The following ASS1 variants were observed in gnomAD, a reference collection of about 807,000 sequenced individuals.
ASS1 encodes argininosuccinate synthase.
A neutral mutation model predicts 60.5 loss-of-function variants in ASS1; 58 were observed. The observed-to-expected ratio is 0.96, with a 90% CI of 0.78 to 1.19. The LOEUF (loss-of-function observed/expected upper bound fraction) is 1.19, where lower values mean the gene tolerates loss of function less well. Among genes scored for constraint, ASS1 ranks in the 50% most tolerant of loss-of-function variants. The probability of loss-of-function intolerance (pLI) is 0.00; values close to 1 mark genes in which losing one functional copy is unlikely to be tolerated. For synonymous variants in ASS1, 200 were observed against 206.9 expected, an observed-to-expected ratio of 0.97 and a Z score of 0.29; for missense variants, 454 against 547.3, an observed-to-expected ratio of 0.83 and a Z score of 1.70.
chr9:130,483,649 G>C (rs534124967), intron 11 of ASS1, among the ~76,000 whole-genome samples: 1 of 150,572 alleles, frequency 6.6e-6, no homozygotes, highest in African/African-American at 2.5e-5. Context: ...CTCTTTCTCT[G>C]TCTCCTCTCT....
chr9:130,460,202 A>C (rs1409258053), intron 4 of ASS1, among the ~76,000 whole-genome samples: 4 of 152,186 alleles, frequency 2.6e-5, no homozygotes, highest in Admixed American at 2.6e-4. Flanking sequence ...GTGCAGGGAC[A>C]CACACAGCTA....
intron 3 of ASS1, among the ~76,000 whole-genome samples, chr9:130,456,092 C>T (rs1845443542): frequency 6.6e-6 from 1 of 152,238 alleles, no homozygotes; most frequent in African/African-American, 2.4e-5. Flanking sequence ...TCTAGATGAG[C>T]AGTTCTCAAA....
At chr9:130,480,254 T>C in intron 10 of ASS1, 131 bp from the exon 11 acceptor site, 1 of 1,011,116 alleles carries the variant, frequency 9.9e-7, no homozygotes, top group South Asian at 1.3e-5. Flanking sequence ...AGATGTCCTC[T>C]TGAGTCTTAG....
chr9:130,449,342 G>GAAAA (rs55853169), intron 1 of ASS1, among the ~76,000 whole-genome samples: 3 of 91,534 alleles, frequency 3.3e-5, no homozygotes, highest in African/African-American at 4.4e-5. Flanking sequence ...GACCCTGTCT[G>GAAAA]AAAAAAAAAA....
chr9:130,500,196 A>G (rs1846716147), intron 14 of ASS1, among the ~76,000 whole-genome samples: 1 of 152,178 alleles, frequency 6.6e-6, no homozygotes. Flanking sequence ...AAGCACACTC[A>G]GCCCAGGGCC....
chr9:130,497,856 G>A (rs1846642611), intron 13 of ASS1, among the ~76,000 whole-genome samples: 1 of 152,222 alleles, frequency 6.6e-6, no homozygotes, highest in Non-Finnish European at 1.5e-5. Flanking sequence ...AGGGATCTGA[G>A]GAGGTTGGTG....
intron 8 of ASS1, among the ~76,000 whole-genome samples, chr9:130,475,213 T>C (rs1447099214): frequency 1.3e-5 from 2 of 152,148 alleles, no homozygotes; most frequent in African/African-American, 4.8e-5. Flanking sequence ...CCCCATCCCA[T>C]GCAGAATGAG....
At chr9:130,463,790 G>A (rs570199669) in intron 4 of ASS1, among the ~76,000 whole-genome samples, 2 of 152,258 alleles carry the variant, frequency 1.3e-5, no homozygotes, top group East Asian at 3.9e-4. Context: ...ACTATAGTGC[G>A]AGCTCTGGGG....
chr9:130,444,941 G>C (rs2131860046), upstream of ASS1: 1 of 155,036 alleles, frequency 6.5e-6, no homozygotes. This position sits in a 1 kb window ranked among gnomAD's most constrained non-coding sequence, Gnocchi z 4.7. Flanking sequence ...TTATAACCTG[G>C]GATGGGCACC....
chr9:130,496,867 C>T (rs890791955), intron 13 of ASS1, among the ~76,000 whole-genome samples: 3 of 152,238 alleles, frequency 2.0e-5, no homozygotes, highest in African/African-American at 2.4e-5. Flanking sequence ...CCCCACTAGA[C>T]GTGGGTCCCC....
rs752670970 is a variant in ASS1 at position 130,478,729 on chromosome 9, G to A, written c.689-987G>A. Among the ~76,000 whole-genome samples the A allele has an allele frequency of 2.5e-4, 38 of 152,172 alleles. No homozygotes were observed. Among genetic ancestry groups the A allele is most frequent in the Non-Finnish European group, 3.8e-4 (26 of 68,030 alleles). On this transcript the variant is annotated intron_variant, in intron 9 of 14. Transcript: ENST00000352480. The surrounding 1 kb of genome is among the most constrained non-coding windows in gnomAD (Gnocchi z 4.7). ...GAGAGAAAGGGAGAGAGGAGAGGCGGGGGGTGGTGAGAGGGGCTTAAGGTT... is the reference window on the plus strand; with the variant it reads ...GAGAGAAAGGGAGAGAGGAGAGGCGAGGGGTGGTGAGAGGGGCTTAAGGTT...
intron 6 of ASS1, 136 bp downstream of exon 6, chr9:130,466,935 C>T: frequency 9.9e-7 from 1 of 1,007,024 alleles, no homozygotes; most frequent in Non-Finnish European, 1.5e-6. Context: ...ACTTCCACCC[C>T]AGCTGCCTAC....
chr9:130,483,158 AC>A (rs1409128710), intron 11 of ASS1, among the ~76,000 whole-genome samples: 1 of 152,164 alleles, frequency 6.6e-6, no homozygotes, highest in Non-Finnish European at 1.5e-5. Context: ...AAATTAGGGC[AC>A]TGTGGATTCC....
rs541432341 is a variant in ASS1 at position 130,491,607 on chromosome 9, C to T, written c.970+2143C>T. Among the ~76,000 whole-genome samples the T allele has an allele frequency of 3.3e-5, 5 of 152,314 alleles. No homozygotes were observed. The East Asian group carries it at 5.8e-4, about 18-fold the overall frequency. ...GGATGCTCGTGATCAAGGGGCACGG[C>T]GGCACAGACAGGGGAACCCTGGGTG... is the stretch of plus-strand genomic sequence containing the variant. On this transcript the variant is annotated intron_variant, in intron 12 of 14. Transcript: ENST00000352480. The surrounding 1 kb of genome is among the most constrained non-coding windows in gnomAD (Gnocchi z 5.3).
At chr9:130,456,495 C>CA (rs772542199) in intron 3 of ASS1, among the ~76,000 whole-genome samples, 17 of 152,156 alleles carry the variant, frequency 1.1e-4, no homozygotes, top group Non-Finnish European at 2.4e-4. Flanking sequence ...CAAACAAACA[C>CA]AAAAACACAT....
intron 11 of ASS1, among the ~76,000 whole-genome samples, chr9:130,480,756 G>T (rs1386844954): frequency 6.6e-6 from 1 of 152,200 alleles, no homozygotes; most frequent in African/African-American, 2.4e-5. Flanking sequence ...GCTGTCTTGT[G>T]TCTGGGGTGG....
At chr9:130,454,220 G>A (rs919069359) in intron 2 of ASS1, 85 bp from the exon 3 acceptor site, 1 of 1,353,894 alleles carries the variant, frequency 7.4e-7, no homozygotes, top group Non-Finnish European at 1.0e-6. Context: ...TCTGTAGCAG[G>A]GGGTGGGAGG....
At position 130,470,915 on chromosome 9, in the gene ASS1, C is replaced by T. The variant is rs200527708; in HGVS notation, c.566+11C>T. On this transcript the variant is annotated intron_variant, in intron 7 of 14. Transcript: ENST00000352480. The surrounding 1 kb of genome is among the most constrained non-coding windows in gnomAD (Gnocchi z 4.3). ...CCTCATGCACATCAGGTAAATCCCA[C>T]CCTCCACCCATCCTTGGTCCTCCCG... is the stretch of plus-strand genomic sequence containing the variant. 9.5e-5 allele frequency: 153 copies of T among 1,613,732 alleles called. 1 individual carries two copies. Among genetic ancestry groups the T allele is most frequent in the Non-Finnish European group, 1.2e-4 (138 of 1,179,700 alleles).
At position 130,476,980 on chromosome 9, in the gene ASS1, G is replaced by A. The variant is rs1470270693; in HGVS notation, c.688+19G>A. The A allele has an allele frequency of 5.6e-6, 9 of 1,608,458 alleles. No individual in the cohort carries two copies. Among genetic ancestry groups the A allele is most frequent in the Non-Finnish European group, 6.8e-6 (8 of 1,174,956 alleles). Reference sequence around the variant, plus strand: ...AAAAAAGGTATGTGCCCACCTGTTGGGACTCGAAGGGGGTTGACTTTTGGG... The same window carrying A: ...AAAAAAGGTATGTGCCCACCTGTTGAGACTCGAAGGGGGTTGACTTTTGGG... On this transcript the variant is annotated intron_variant, in intron 9 of 14. Coordinates refer to ENST00000352480, the MANE Select transcript of ASS1 (RefSeq NM_054012.4). The surrounding 1 kb of genome is among the most constrained non-coding windows in gnomAD (Gnocchi z 4.9).
Sources: gnomAD v4.1 joint callset for allele counts (sites outside exome capture counted in the v4.1 genomes callset) on GRCh38, gnomAD v4.1.1 for gene constraint, Gnocchi (gnomAD v3.1) non-coding constraint, MANE v1.5 for transcripts, NCBI Gene and HGNC (gene_info 2026-07-23, HGNC 2026-07-21) for gene names.